PAK1: variants seen among roughly 807,000 people sequenced by gnomAD.
The protein encoded by PAK1 is p21 (RAC1) activated kinase 1, also known as serine/threonine-protein kinase PAK 1.
Under a neutral mutation model 67.4 loss-of-function variants are expected in PAK1, and 29 were observed. That is an observed-to-expected ratio of 0.43 (90% CI 0.32 to 0.59). The LOEUF is 0.59. PAK1 is among the 20% of genes least tolerant of loss of function. The pLI, the probability that PAK1 is intolerant of heterozygous loss-of-function variation, is 0.07. For missense variants in PAK1, 337 were observed against 670.7 expected, an observed-to-expected ratio of 0.50 and a Z score of 5.50; for synonymous variants, 223 against 237.4, an observed-to-expected ratio of 0.94 and a Z score of 0.56.
At chr11:77,326,921 A>G (rs1940069061) in intron 14 of PAK1, among the ~76,000 whole-genome samples, 1 of 152,206 alleles carries the variant, frequency 6.6e-6, no homozygotes, top group Admixed American at 6.5e-5. Context: ...AGAATAATCA[A>G]TGCAGACAAG....
upstream of PAK1, chr11:77,474,621 T>C (rs1484238674): frequency 6.6e-6 from 1 of 152,154 alleles, no homozygotes; most frequent in Non-Finnish European, 1.5e-5. Context: ...ATTTGAAAAC[T>C]ATCCGATGTC....
intron 11 of PAK1, among the ~76,000 whole-genome samples, chr11:77,338,570 G>A (rs1943096867): frequency 6.6e-6 from 1 of 152,134 alleles, no homozygotes; most frequent in South Asian, 2.1e-4. Flanking sequence ...CAAAAGTTGA[G>A]TATAGAGTTG....
At chr11:77,484,874 T>C in the PAK1 span, among the ~76,000 whole-genome samples, 6 of 152,202 alleles carry the variant, frequency 3.9e-5, no homozygotes. Flanking sequence ...ACTGGATTTA[T>C]AGTTCCACAT....
chr11:77,340,596 G>C (rs767864262), intron 11 of PAK1, 50 bp downstream of exon 11: 1 of 906,906 alleles, frequency 1.1e-6, no homozygotes, highest in South Asian at 1.3e-5. Flanking sequence ...TCAGGAGACA[G>C]GAATATGGAG....
chr11:77,464,265 C>T (rs1404436522), intron 1 of PAK1, among the ~76,000 whole-genome samples: 8 of 152,166 alleles, frequency 5.3e-5, no homozygotes, highest in Non-Finnish European at 7.3e-5. Context: ...GCTTTTTCCC[C>T]CTCAGTGTTC....
the PAK1 span, among the ~76,000 whole-genome samples, chr11:77,502,374 G>A: frequency 2.0e-5 from 3 of 152,148 alleles, no homozygotes; most frequent in East Asian, 5.8e-4. Context: ...CAATCACACA[G>A]TTTTAAAACT....
chr11:77,491,082 C>A, the PAK1 span, among the ~76,000 whole-genome samples: 3 of 150,408 alleles, frequency 2.0e-5, no homozygotes, highest in Non-Finnish European at 4.4e-5. Flanking sequence ...GTCCTATGAC[C>A]CTGCCAAATC....
At chr11:77,477,737 A>G (rs943434073), upstream of PAK1, among the ~76,000 whole-genome samples, 3 of 151,984 alleles carry the variant, frequency 2.0e-5, no homozygotes, top group African/African-American at 7.3e-5. Context: ...TCTGGGCGAC[A>G]GAGTGAGACC....
chr11:77,434,960 C>T (rs1214607669), intron 1 of PAK1, among the ~76,000 whole-genome samples: 1 of 151,638 alleles, frequency 6.6e-6, no homozygotes, highest in Non-Finnish European at 1.5e-5. Context: ...ACAGGGTTTC[C>T]CTATGTTGCC....
intron 1 of PAK1, among the ~76,000 whole-genome samples, chr11:77,417,678 T>C (rs771568034): frequency 3.3e-5 from 5 of 152,030 alleles, no homozygotes; most frequent in Non-Finnish European, 7.4e-5. Flanking sequence ...TGTACATTAA[T>C]GAGATGGTGA....
chr11:77,384,436 G>A (rs1385747264), intron 2 of PAK1, among the ~76,000 whole-genome samples: 1 of 152,154 alleles, frequency 6.6e-6, no homozygotes, highest in African/African-American at 2.4e-5. Flanking sequence ...GAAAACTTAT[G>A]TCTACACAAA....
At chr11:77,407,939 T>G (rs1161620058) in intron 1 of PAK1, among the ~76,000 whole-genome samples, 1 of 151,942 alleles carries the variant, frequency 6.6e-6, no homozygotes, top group Non-Finnish European at 1.5e-5. Flanking sequence ...GTACCTAGAG[T>G]CTAGCCCCAA....
chr11:77,440,963 G>C (rs749434279), intron 1 of PAK1, among the ~76,000 whole-genome samples: 15 of 152,166 alleles, frequency 9.9e-5, no homozygotes, highest in Non-Finnish European at 1.6e-4. Flanking sequence ...GCCAGGGAAA[G>C]TATGTTTACA....
At chr11:77,523,569 G>A in the PAK1 span, among the ~76,000 whole-genome samples, 209 of 151,948 alleles carry the variant, frequency 1.4e-3, no homozygotes, top group Non-Finnish European at 2.5e-3. Flanking sequence ...ACAGGCACAC[G>A]CCACCATGTC....
chr11:77,405,566 A>G (rs1435445456), intron 1 of PAK1, among the ~76,000 whole-genome samples: 1 of 152,024 alleles, frequency 6.6e-6, no homozygotes, highest in Non-Finnish European at 1.5e-5. Context: ...TAAAAAAAAA[A>G]AGAAAAATTA....
At chr11:77,470,500 A>G (rs910093385) in intron 1 of PAK1, among the ~76,000 whole-genome samples, 1 of 152,238 alleles carries the variant, frequency 6.6e-6, no homozygotes, top group Non-Finnish European at 1.5e-5. Flanking sequence ...AGAAGGACTC[A>G]TAATTTTATA....
intron 1 of PAK1, chr11:77,411,957 G>C (rs567174902): frequency 1.3e-5 from 2 of 152,368 alleles, no homozygotes; most frequent in Admixed American, 1.3e-4. Flanking sequence ...GCTCTCGCAG[G>C]GCGGCAGCGA....
intron 1 of PAK1, among the ~76,000 whole-genome samples, chr11:77,451,512 ATCC>A (rs1252569796): frequency 6.6e-6 from 1 of 152,202 alleles, no homozygotes; most frequent in Non-Finnish European, 1.5e-5. Context: ...GTTTCTTTGC[ATCC>A]TCATTTCCTT....
chr11:77,366,850 A>G (rs1482177676), intron 5 of PAK1, among the ~76,000 whole-genome samples: 1 of 152,250 alleles, frequency 6.6e-6, no homozygotes, highest in Non-Finnish European at 1.5e-5. Flanking sequence ...ATTCCTTGGT[A>G]TATACTCTGA....
Sources: gnomAD v4.1 joint callset for allele counts (sites outside exome capture counted in the v4.1 genomes callset) on GRCh38, gnomAD v4.1.1 for gene constraint, MANE v1.5 for transcripts, NCBI Gene and HGNC (gene_info 2026-07-23, HGNC 2026-07-21) for gene names.